The following FXR2 variants were observed in gnomAD, a reference collection of about 807,000 sequenced individuals.
FXR2 encodes the protein RNA-binding protein FXR2.
Under a neutral mutation model 87.3 loss-of-function variants are expected in FXR2, and 9 were observed. The observed-to-expected ratio is 0.10, with a 90% CI of 0.06 to 0.18. The LOEUF is 0.18. FXR2 is among the 10% of genes least tolerant of loss of function. The probability of loss-of-function intolerance (pLI) is 1.00; values close to 1 mark genes in which losing one functional copy is unlikely to be tolerated. For synonymous variants in FXR2, 331 were observed against 328.3 expected (o/e 1.01, Z -0.09); for missense variants, 661 against 893.6 (o/e 0.74, Z 3.32).
At chr17:7,607,800 T>C (rs1229204089) in intron 1 of FXR2, among the ~76,000 whole-genome samples, 1 of 152,132 alleles carries the variant, frequency 6.6e-6, no homozygotes, top group Non-Finnish European at 1.5e-5. Flanking sequence ...TTTAAATTCT[T>C]ATTTATTTTT....
chr17:7,607,300 A>G (rs1357008996), intron 1 of FXR2, among the ~76,000 whole-genome samples: 1 of 151,530 alleles, frequency 6.6e-6, no homozygotes, highest in Non-Finnish European at 1.5e-5. Context: ...CCTGGGCAAC[A>G]AGAGCAAAAC....
At chr17:7,613,582 G>C (rs911843823) in intron 1 of FXR2, among the ~76,000 whole-genome samples, 3 of 152,218 alleles carry the variant, frequency 2.0e-5, no homozygotes, top group Admixed American at 2.0e-4. Context: ...AACTGGGATA[G>C]TTGGCCAAGA....
At position 7,614,466 on chromosome 17, in the gene FXR2, C is replaced by T. The variant is rs1331975198; in HGVS notation, c.67G>A (p.Gly23Arg). 6.5e-7 allele frequency: 1 copy of T among 1,540,730 alleles called. No homozygotes were observed. ...GLPVEVRGSNGAFYKGFVKDV... is the reference protein window; with the variant it reads ...GLPVEVRGSNRAFYKGFVKDV... ...CGCCGTCTCACCTTGTAGAAGGCCCCGTTGGAGCCGCGCACCTCGACGGGC... is the reference window on the plus strand; with the variant it reads ...CGCCGTCTCACCTTGTAGAAGGCCCTGTTGGAGCCGCGCACCTCGACGGGC... Residue 23 changes from glycine to arginine, a missense_variant, in exon 1 of 17, where the codon GGG becomes AGG. Physicochemically the swap from Gly to Arg is moderately radical, Grantham distance 125. This residue lies in a region of FXR2 where 170 missense variants were observed against 247.2 expected (regional missense o/e 0.69). Coordinates refer to ENST00000250113, the MANE Select transcript of FXR2 (RefSeq NM_004860.4).
chr17:7,592,807 G>T lies in FXR2; in HGVS notation c.1616C>A (p.Pro539His). 11 of 1,613,620 alleles carry T rather than the reference G, an allele frequency of 6.8e-6. No homozygotes were observed. The highest frequency in any genetic ancestry group is 9.3e-6 in the Non-Finnish European group (11 of 1,179,746). ...PPVDSEPGEPPPASARRRRSR... is the reference protein window; with the variant it reads ...PPVDSEPGEPHPASARRRRSR... ...GCGGCGGCGCCTGGCACTTGCTGGG[G>T]GGGGTTCCCCAGGTTCTGAATCAAC... is the stretch of plus-strand genomic sequence containing the variant. The change falls in exon 14 of 17, where the codon CCC (proline) becomes CAC (histidine). Residue 539 changes from proline (P) to histidine (H), a missense_variant. This residue lies in a region of FXR2 where 409 missense variants were observed against 432.0 expected (regional missense o/e 0.95). Transcript: ENST00000250113. This position sits in a 1 kb window ranked among gnomAD's most constrained non-coding sequence, Gnocchi z 4.8.
rs926882751 is a variant in FXR2 at position 7,591,671 on chromosome 17, C to T, written c.*159G>A. On this transcript the variant is annotated 3_prime_UTR_variant, in exon 17 of 17. Transcript: ENST00000250113. This position sits in a 1 kb window ranked among gnomAD's most constrained non-coding sequence, Gnocchi z 4.0. Reference sequence around the variant, plus strand: ...AGGGGGTATGACCCTGTTACACACCCCTCCACTAGCTCCTGGAGGTTGGGG... The same window carrying T: ...AGGGGGTATGACCCTGTTACACACCTCTCCACTAGCTCCTGGAGGTTGGGG... 2 of 671,956 alleles carry T rather than the reference C, an allele frequency of 3.0e-6. No individual in the cohort carries two copies. The highest frequency in any genetic ancestry group is 3.5e-5 in the African/African-American group (2 of 56,484). The allele number at this position is 671,956 out of a possible 1,614,324, so 41.6% of individuals were successfully genotyped here. A position where few individuals can be genotyped will look rare whatever the true frequency, so the allele number is the denominator to read the frequency against.
chr17:7,611,394 G>A (rs2071863305), intron 1 of FXR2, among the ~76,000 whole-genome samples: 1 of 152,170 alleles, frequency 6.6e-6, no homozygotes, highest in Non-Finnish European at 1.5e-5. Flanking sequence ...ACGGGAGGGC[G>A]TGGTGGCTCA....
In FXR2 at chr17:7,605,672, CT is replaced by C; in HGVS notation, c.200del (p.Lys67ArgfsTer30). The C allele has an allele frequency of 6.3e-7, 1 of 1,585,184 alleles. No homozygotes were observed. Among genetic ancestry groups the C allele is most frequent in the Non-Finnish European group, 8.7e-7 (1 of 1,154,672 alleles). On this transcript the variant is annotated frameshift_variant, in exon 3 of 17. Transcript: ENST00000250113. LOFTEE classifies it high-confidence loss of function. Reference sequence around the variant, plus strand: ...CCACTTCATCCCCTTCTGTGATCTCCTTATTATAGTCAGCTGGAGGTGGTAG... The same window carrying C: ...CCACTTCATCCCCTTCTGTGATCTCCTATTATAGTCAGCTGGAGGTGGTAG... The part of the protein sequence containing the change: ...VRLPPPADYN[K>X]EITEGDEVEV...
chr17:7,609,165 TAC>T (rs879808040), intron 1 of FXR2, among the ~76,000 whole-genome samples: 3 of 152,174 alleles, frequency 2.0e-5, no homozygotes, highest in Admixed American at 2.0e-4. Context: ...AAAAGGCTAA[TAC>T]ACAAGAACTA....
intron 6 of FXR2, 185 bp downstream of exon 6, chr17:7,602,724 C>A (rs993427234): frequency 2.2e-5 from 11 of 509,588 alleles, no homozygotes; most frequent in African/African-American, 2.2e-4. Context: ...AGTGAGACTT[C>A]GTCTCAAAAA....
intron 1 of FXR2, among the ~76,000 whole-genome samples, chr17:7,609,963 T>TGTATATGTATACATATAC (rs2071841377): frequency 4.6e-5 from 5 of 108,528 alleles, no homozygotes; most frequent in Non-Finnish European, 9.3e-5. Flanking sequence ...TACATATATA[T>TGTATATGTATACATATAC]ACATGTATAT....
chr17:7,608,584 CT>C (rs2032551259), intron 1 of FXR2, among the ~76,000 whole-genome samples: 1 of 149,600 alleles, frequency 6.7e-6, no homozygotes, highest in Admixed American at 6.7e-5. Context: ...TGCCATCGCA[CT>C]GCAGCCTGGA....
chr17:7,599,966 C>T (rs1241634415), intron 7 of FXR2, among the ~76,000 whole-genome samples: 3 of 150,920 alleles, frequency 2.0e-5, no homozygotes, highest in Non-Finnish European at 3.0e-5. Context: ...GGTGTGATCT[C>T]GGCTCACTGC....
At chr17:7,604,590 G>A (rs1166230796) in intron 3 of FXR2, among the ~76,000 whole-genome samples, 1 of 151,896 alleles carries the variant, frequency 6.6e-6, no homozygotes. Context: ...TACACAGGAG[G>A]CTGAGGCAGG....
intron 7 of FXR2, among the ~76,000 whole-genome samples, chr17:7,597,326 A>G (rs1414985653): frequency 2.0e-5 from 3 of 152,138 alleles, no homozygotes; most frequent in African/African-American, 7.2e-5. Flanking sequence ...GTTGGATAGG[A>G]CTGAATTATA....
At chr17:7,607,500 C>T (rs2071812561) in intron 1 of FXR2, among the ~76,000 whole-genome samples, 1 of 151,616 alleles carries the variant, frequency 6.6e-6, no homozygotes, top group Non-Finnish European at 1.5e-5. Context: ...CAATCTTGGC[C>T]CACTGCAACC....
Position 7,609,104 on chromosome 17 carries a change from G to A in FXR2, c.82-2955C>T, listed in dbSNP as rs376693615. Among the ~76,000 whole-genome samples, 90 of 152,234 alleles carry A rather than the reference G, an allele frequency of 5.9e-4. 3 individuals carry two copies. In the East Asian group the frequency reaches 0.011, roughly 19 times the overall value. Reference sequence around the variant, plus strand: ...ATAGCTTGGGCAACACAGCAAGACCGTGACTCAAAAAACAAAATAAATAAA... The same window carrying A: ...ATAGCTTGGGCAACACAGCAAGACCATGACTCAAAAAACAAAATAAATAAA... On this transcript the variant is annotated intron_variant, in intron 1 of 16. Coordinates refer to ENST00000250113, the MANE Select transcript of FXR2 (RefSeq NM_004860.4).
At chr17:7,599,949 G>A (rs1228654241) in intron 7 of FXR2, among the ~76,000 whole-genome samples, 2 of 152,066 alleles carry the variant, frequency 1.3e-5, no homozygotes, top group South Asian at 2.1e-4. Context: ...CCAGGCTGGA[G>A]TACAATGGTG....
intron 7 of FXR2, among the ~76,000 whole-genome samples, chr17:7,598,751 A>G (rs188520026): frequency 5.9e-5 from 9 of 151,886 alleles, no homozygotes; most frequent in Non-Finnish European, 8.8e-5. Context: ...GGTCATGTCT[A>G]TAATCCCAGC....
chr17:7,592,907 A>G lies in FXR2; in HGVS notation c.1529-13T>C, dbSNP rs2150939946. ...GGATCCTTCAGCACTGGTCAGAGGAAGAAGAGGAGGAGTTGGCAGTCAGGT... is the reference window on the plus strand; with the variant it reads ...GGATCCTTCAGCACTGGTCAGAGGAGGAAGAGGAGGAGTTGGCAGTCAGGT... On this transcript the variant is annotated splice_polypyrimidine_tract_variant and intron_variant, in intron 13 of 16. Transcript: ENST00000250113. This position sits in a 1 kb window ranked among gnomAD's most constrained non-coding sequence, Gnocchi z 4.8. The G allele has an allele frequency of 1.3e-6, 2 of 1,557,752 alleles. No homozygotes were observed. Among genetic ancestry groups the G allele is most frequent in the East Asian group, 4.5e-5 (2 of 44,332 alleles).
Sources: gnomAD v4.1 joint callset for allele counts (sites outside exome capture counted in the v4.1 genomes callset) on GRCh38, gnomAD v4.1.1 for gene constraint, gnomAD v4.1.1 regional missense constraint, Gnocchi (gnomAD v3.1) non-coding constraint, MANE v1.5 for transcripts, NCBI Gene and HGNC (gene_info 2026-07-23, HGNC 2026-07-21) for gene names.